Variants in OPCML observed in about 807,000 individuals in gnomAD.
OPCML encodes opioid binding protein/cell adhesion molecule like.
In OPCML, 13 loss-of-function variants were observed where a neutral mutation model predicts 37.8. The ratio of observed to expected loss-of-function variants is 0.34; its 90% CI spans 0.22 to 0.55. OPCML has a LOEUF of 0.55. OPCML is among the 20% of genes least tolerant of loss of function. The probability of loss-of-function intolerance (pLI) is 0.91; values close to 1 mark genes in which losing one functional copy is unlikely to be tolerated. For missense variants in OPCML, 341 were observed against 435.6 expected (o/e 0.78, Z 1.93); for synonymous variants, 176 against 168.8 (o/e 1.04, Z -0.33).
At chr11:132,612,705 T>C (rs184330201) in intron 3 of OPCML, among the ~76,000 whole-genome samples, 17 of 152,100 alleles carry the variant, frequency 1.1e-4, no homozygotes, top group Non-Finnish European at 2.2e-4. Context: ...TGATCCCCTA[T>C]AGGGTTGAGG....
At chr11:132,593,705 C>G (rs1045037270) in intron 3 of OPCML, among the ~76,000 whole-genome samples, 2 of 152,114 alleles carry the variant, frequency 1.3e-5, no homozygotes, top group African/African-American at 2.4e-5. Flanking sequence ...ACAGAATCAC[C>G]TGTGGCTTGG....
At chr11:132,876,116 T>A (rs998465313) in intron 2 of OPCML, among the ~76,000 whole-genome samples, 10 of 152,170 alleles carry the variant, frequency 6.6e-5, no homozygotes, top group Admixed American at 1.3e-4. Flanking sequence ...GGATGCTCAC[T>A]CCTGTCCCAG....
At chr11:132,577,998 G>A (rs761770039) in intron 3 of OPCML, among the ~76,000 whole-genome samples, 2 of 152,002 alleles carry the variant, frequency 1.3e-5, no homozygotes, top group African/African-American at 2.4e-5. Flanking sequence ...TACTATATAT[G>A]TAGATGCACA....
intron 2 of OPCML, among the ~76,000 whole-genome samples, chr11:132,683,208 G>T (rs1943027228): frequency 6.6e-6 from 1 of 152,166 alleles, no homozygotes; most frequent in South Asian, 2.1e-4. Context: ...AGACCAGCCT[G>T]AGCAACACAG....
intron 4 of OPCML, among the ~76,000 whole-genome samples, chr11:132,484,733 C>T (rs1207653861): frequency 6.6e-6 from 1 of 152,054 alleles, no homozygotes; most frequent in Admixed American, 6.6e-5. Context: ...GAATACTATG[C>T]AGCCATAAAA....
At chr11:132,831,423 T>C (rs1940679434) in intron 2 of OPCML, among the ~76,000 whole-genome samples, 1 of 152,110 alleles carries the variant, frequency 6.6e-6, no homozygotes, top group Non-Finnish European at 1.5e-5. Context: ...CATAGCTCCA[T>C]CACAGGCGAT....
At chr11:132,955,259 G>A (rs1945952971) in intron 1 of OPCML, among the ~76,000 whole-genome samples, 1 of 152,062 alleles carries the variant, frequency 6.6e-6, no homozygotes, top group South Asian at 2.1e-4. Flanking sequence ...GCTCCTTCAA[G>A]GTGTTGTACA....
intron 1 of OPCML, among the ~76,000 whole-genome samples, chr11:133,042,917 GA>G (rs1947933931): frequency 6.6e-6 from 1 of 152,092 alleles, no homozygotes; most frequent in Non-Finnish European, 1.5e-5. Flanking sequence ...TATCAAGGGA[GA>G]AAATTAGGGG....
intron 2 of OPCML, among the ~76,000 whole-genome samples, chr11:132,739,635 T>A (rs1945374227): frequency 6.6e-6 from 1 of 152,160 alleles, no homozygotes; most frequent in South Asian, 2.1e-4. Context: ...TGTTGTGTAT[T>A]TGTGTATGTT....
At chr11:132,915,558 T>G (rs188462569) in intron 2 of OPCML, among the ~76,000 whole-genome samples, 2 of 152,238 alleles carry the variant, frequency 1.3e-5, no homozygotes, top group Non-Finnish European at 2.9e-5. Flanking sequence ...CTAATTTGTA[T>G]AGATATGGAC....
chr11:132,450,347 C>T (rs1202504293), intron 4 of OPCML, among the ~76,000 whole-genome samples: 1 of 152,198 alleles, frequency 6.6e-6, no homozygotes, highest in Non-Finnish European at 1.5e-5. Flanking sequence ...GTGACTAGGG[C>T]TCCAACAGAG....
At chr11:132,587,379 A>T (rs1312458941) in intron 3 of OPCML, among the ~76,000 whole-genome samples, 1 of 152,202 alleles carries the variant, frequency 6.6e-6, no homozygotes, top group Non-Finnish European at 1.5e-5. Flanking sequence ...CTTCAGACAC[A>T]TCAAATCATA....
chr11:133,139,291 C>G (rs952267639), intron 1 of OPCML, among the ~76,000 whole-genome samples: 6 of 152,182 alleles, frequency 3.9e-5, no homozygotes, highest in Non-Finnish European at 7.3e-5. Flanking sequence ...GTTGCTAGCA[C>G]TTTTACAGGG....
intron 1 of OPCML, among the ~76,000 whole-genome samples, chr11:133,003,240 G>A (rs896998523): frequency 6.6e-6 from 1 of 152,186 alleles, no homozygotes; most frequent in African/African-American, 2.4e-5. Context: ...ATGGTTTGGA[G>A]ACCAGAAGTC....
chr11:132,473,345 C>T (rs531652146), intron 4 of OPCML, among the ~76,000 whole-genome samples: 47 of 152,350 alleles, frequency 3.1e-4, no homozygotes, highest in African/African-American at 1.1e-3. Flanking sequence ...GGATGCTACT[C>T]CCTTATGGGG....
intron 1 of OPCML, among the ~76,000 whole-genome samples, chr11:133,227,875 G>A (rs932777921): frequency 6.6e-6 from 1 of 152,150 alleles, no homozygotes; most frequent in African/African-American, 2.4e-5. Context: ...CGGTGCAAAC[G>A]CTGGGCCCTG....
intron 1 of OPCML, among the ~76,000 whole-genome samples, chr11:133,228,426 T>C (rs55786374): frequency 2.0e-5 from 3 of 152,262 alleles, no homozygotes; most frequent in African/African-American, 4.8e-5. Context: ...TTTCTGCTTC[T>C]AATTCCAGTT....
intron 1 of OPCML, among the ~76,000 whole-genome samples, chr11:133,324,837 G>A (rs1943411967): frequency 6.6e-6 from 1 of 152,040 alleles, no homozygotes; most frequent in Admixed American, 6.6e-5. Flanking sequence ...TGTGTGTGTA[G>A]ATATATGTTC....
intron 2 of OPCML, among the ~76,000 whole-genome samples, chr11:132,887,034 C>G (rs1353053994): frequency 1.3e-5 from 2 of 152,158 alleles, no homozygotes; most frequent in East Asian, 3.8e-4. Context: ...AGGTACAAGC[C>G]TCTGCTCACT....
Sources: gnomAD v4.1 joint callset for allele counts (sites outside exome capture counted in the v4.1 genomes callset) on GRCh38, gnomAD v4.1.1 for gene constraint, MANE v1.5 for transcripts, NCBI Gene and HGNC (gene_info 2026-07-23, HGNC 2026-07-21) for gene names.